Variants in NXPH1 observed in about 807,000 individuals in gnomAD.
NXPH1 encodes the protein neurexophilin-1.
NXPH1 carries 5 observed loss-of-function variants against 23.7 expected under a neutral mutation model. That is an observed-to-expected ratio of 0.21 (90% CI 0.11 to 0.44). The LOEUF (loss-of-function observed/expected upper bound fraction) is 0.44, where lower values mean the gene tolerates loss of function less well. Ranked by LOEUF, NXPH1 falls within the 20% of genes least tolerant of loss-of-function variation. The probability of loss-of-function intolerance (pLI) is 0.99; values close to 1 mark genes in which losing one functional copy is unlikely to be tolerated. For missense variants in NXPH1, 324 were observed against 321.6 expected (o/e 1.01, Z -0.06); for synonymous variants, 144 against 122.2 (o/e 1.18, Z -1.18).
intron 2 of NXPH1, among the ~76,000 whole-genome samples, chr7:8,661,779 C>A (rs529101525): frequency 6.6e-6 from 1 of 152,040 alleles, no homozygotes. Context: ...TTTTTAACTT[C>A]TTAAATGAGG....
intron 2 of NXPH1, among the ~76,000 whole-genome samples, chr7:8,526,655 A>T (rs1817866560): frequency 6.6e-6 from 1 of 152,160 alleles, no homozygotes; most frequent in Admixed American, 6.5e-5. Context: ...ATAGTGAATA[A>T]GTCTCATGAG....
intron 2 of NXPH1, among the ~76,000 whole-genome samples, chr7:8,446,428 G>C (rs569308567): frequency 1.3e-5 from 2 of 152,178 alleles, no homozygotes; most frequent in African/African-American, 4.8e-5. Flanking sequence ...GGCTAAGAAA[G>C]AAAAAGGCCT....
At chr7:8,703,834 A>C (rs936342716) in intron 2 of NXPH1, among the ~76,000 whole-genome samples, 3 of 152,080 alleles carry the variant, frequency 2.0e-5, no homozygotes, top group Non-Finnish European at 2.9e-5. Flanking sequence ...ATAAAATTAC[A>C]CCACCCTCCC....
intron 2 of NXPH1, among the ~76,000 whole-genome samples, chr7:8,482,041 C>G (rs1240952451): frequency 1.3e-5 from 2 of 152,182 alleles, no homozygotes; most frequent in Admixed American, 6.5e-5. Flanking sequence ...ACTTGGGAGG[C>G]TCAGAGCATC....
At chr7:8,572,550 C>T (rs1196832013) in intron 2 of NXPH1, among the ~76,000 whole-genome samples, 3 of 151,888 alleles carry the variant, frequency 2.0e-5, no homozygotes, top group Non-Finnish European at 1.5e-5. Context: ...AGGTATCAAA[C>T]AAACAGTAGA....
chr7:8,456,110 A>T (rs923957692), intron 2 of NXPH1, among the ~76,000 whole-genome samples: 3 of 152,182 alleles, frequency 2.0e-5, no homozygotes, highest in African/African-American at 7.2e-5. Flanking sequence ...CCTGGGTTAC[A>T]CGTGTTGGAA....
At chr7:8,508,258 G>A (rs1389976051) in intron 2 of NXPH1, among the ~76,000 whole-genome samples, 1 of 152,034 alleles carries the variant, frequency 6.6e-6, no homozygotes, top group South Asian at 2.1e-4. Flanking sequence ...CCCAACAGAC[G>A]GTCTAGACAT....
At chr7:8,684,505 T>G (rs994532169) in intron 2 of NXPH1, among the ~76,000 whole-genome samples, 3 of 152,114 alleles carry the variant, frequency 2.0e-5, no homozygotes, top group African/African-American at 7.2e-5. Context: ...AACTGATGCT[T>G]GAAATAAAAG....
chr7:8,561,649 G>T (rs1042021466), intron 2 of NXPH1, among the ~76,000 whole-genome samples: 1 of 151,604 alleles, frequency 6.6e-6, no homozygotes, highest in Non-Finnish European at 1.5e-5. Flanking sequence ...TTTTCTGCTA[G>T]ACTAGTCCCT....
At chr7:8,632,721 C>T (rs1282478983) in intron 2 of NXPH1, among the ~76,000 whole-genome samples, 1 of 152,136 alleles carries the variant, frequency 6.6e-6, no homozygotes, top group East Asian at 1.9e-4. Flanking sequence ...CTCAAATTTC[C>T]CCTCCCATGA....
At chr7:8,503,986 T>C (rs1817481558) in intron 2 of NXPH1, among the ~76,000 whole-genome samples, 2 of 152,116 alleles carry the variant, frequency 1.3e-5, no homozygotes, top group South Asian at 4.1e-4. Flanking sequence ...AGCTCTCCTG[T>C]CTTCTACTAG....
chr7:8,637,177 G>A (rs1820229809), intron 2 of NXPH1, among the ~76,000 whole-genome samples: 1 of 151,504 alleles, frequency 6.6e-6, no homozygotes, highest in Non-Finnish European at 1.5e-5. Context: ...ACATTTGAAT[G>A]TCCCTTACAC....
intron 2 of NXPH1, among the ~76,000 whole-genome samples, chr7:8,540,936 C>T (rs183939451): frequency 2.0e-5 from 3 of 151,780 alleles, no homozygotes; most frequent in African/African-American, 7.2e-5. Context: ...CAAACTATTT[C>T]TAAGTAACAA....
At chr7:8,474,403 A>C (rs1231676072) in intron 2 of NXPH1, among the ~76,000 whole-genome samples, 1 of 152,108 alleles carries the variant, frequency 6.6e-6, no homozygotes, top group African/African-American at 2.4e-5. Context: ...AAATATAGAG[A>C]AGTCTAAAAA....
chr7:8,528,165 G>A (rs1271323427), intron 2 of NXPH1, among the ~76,000 whole-genome samples: 4 of 152,254 alleles, frequency 2.6e-5, no homozygotes, highest in African/African-American at 9.6e-5. Flanking sequence ...AGAAGCTAGA[G>A]AAGGGAGCAA....
intron 2 of NXPH1, among the ~76,000 whole-genome samples, chr7:8,439,548 C>T (rs561270463): frequency 5.9e-5 from 9 of 152,308 alleles, no homozygotes; most frequent in African/African-American, 2.2e-4. Context: ...GAGAAGGGGT[C>T]CCACCATTTC....
chr7:8,467,719 A>G (rs1166195045), intron 2 of NXPH1, among the ~76,000 whole-genome samples: 1 of 152,154 alleles, frequency 6.6e-6, no homozygotes. Flanking sequence ...TGAAACTATG[A>G]CCAGTTAGTT....
At chr7:8,540,560 G>A (rs1468651139) in intron 2 of NXPH1, among the ~76,000 whole-genome samples, 2 of 151,772 alleles carry the variant, frequency 1.3e-5, no homozygotes, top group Admixed American at 6.6e-5. Flanking sequence ...GAAGCTGAGT[G>A]AATGGGGAGG....
intron 2 of NXPH1, among the ~76,000 whole-genome samples, chr7:8,638,855 A>G (rs1012867847): frequency 1.3e-5 from 2 of 152,122 alleles, no homozygotes; most frequent in African/African-American, 2.4e-5. Flanking sequence ...CAATCACAAC[A>G]TAGTGGTTAC....
Sources: allele counts gnomAD v4.1 joint callset (sites outside exome capture counted in the v4.1 genomes callset), GRCh38; gene constraint gnomAD v4.1.1; transcripts MANE v1.5; gene names NCBI Gene and HGNC (gene_info 2026-07-23, HGNC 2026-07-21).